Variants in ADGRL2 observed in about 807,000 individuals in gnomAD.
ADGRL2 encodes adhesion G protein-coupled receptor L2, also known as calcium-independent alpha-latrotoxin receptor 2.
In ADGRL2, 44 loss-of-function variants were observed where a neutral mutation model predicts 157.4. The ratio of observed to expected loss-of-function variants is 0.28; its 90% CI spans 0.22 to 0.36. The LOEUF (loss-of-function observed/expected upper bound fraction) is 0.36. Ranked by LOEUF, ADGRL2 falls within the 10% of genes least tolerant of loss-of-function variation. The pLI, the probability that ADGRL2 is intolerant of heterozygous loss-of-function variation, is 1.00. For synonymous variants in ADGRL2, 585 were observed against 624.7 expected (o/e 0.94, Z 0.95); for missense variants, 1,510 against 1,768.9 (o/e 0.85, Z 2.63).
chr1:81,879,497 ATTAC>A (rs781011049), intron 2 of ADGRL2, among the ~76,000 whole-genome samples: 10 of 143,702 alleles, frequency 7.0e-5, no homozygotes, highest in Non-Finnish European at 1.1e-4. Flanking sequence ...TTGGTGATGA[ATTAC>A]TTAACCCAGA....
chr1:81,363,437 A>G (rs1439933113), intron 1 of ADGRL2, among the ~76,000 whole-genome samples: 1 of 152,082 alleles, frequency 6.6e-6, no homozygotes, highest in African/African-American at 2.4e-5. Flanking sequence ...AAAAGAAACA[A>G]TGTGTTCTAG....
intron 2 of ADGRL2, among the ~76,000 whole-genome samples, chr1:81,840,537 G>A (rs1372228405): frequency 1.3e-5 from 2 of 151,994 alleles, no homozygotes; most frequent in African/African-American, 4.8e-5. Context: ...AAATCACTAA[G>A]CATTTTTAAA....
At chr1:81,923,268 T>C (rs916375271) in intron 3 of ADGRL2, among the ~76,000 whole-genome samples, 3 of 152,188 alleles carry the variant, frequency 2.0e-5, no homozygotes, top group Non-Finnish European at 4.4e-5. Context: ...TGGTAGTCAA[T>C]TTGATAAAAG....
chr1:81,395,665 T>C (rs1323204032), intron 1 of ADGRL2, among the ~76,000 whole-genome samples: 1 of 152,198 alleles, frequency 6.6e-6, no homozygotes, highest in Admixed American at 6.5e-5. Context: ...CTAGTAGTTT[T>C]ATAGTTTCAG....
chr1:81,419,852 C>T (rs1184360860), intron 1 of ADGRL2, among the ~76,000 whole-genome samples: 2 of 152,116 alleles, frequency 1.3e-5, no homozygotes, highest in Admixed American at 1.3e-4. Flanking sequence ...GTATGTTTCT[C>T]CCAGTGAAAA....
chr1:81,862,934 C>CTTAT lies in ADGRL2; in HGVS notation c.73+25877_73+25878insTTAT, dbSNP rs547400933. ...TTCCCCATAAAACCAAATACATAAGCATAATACTGGTTTCTAAGTACTAAG... is the reference window on the plus strand; with the variant it reads ...TTCCCCATAAAACCAAATACATAAGCTTATATAATACTGGTTTCTAAGTACTAAG... On this transcript the variant is annotated intron_variant, in intron 2 of 23. Transcript: ENST00000686636. Among the ~76,000 whole-genome samples the CTTAT allele has an allele frequency of 9.2e-5, 14 of 152,182 alleles. No homozygotes were observed. In the South Asian group the frequency reaches 2.9e-3, roughly 32 times the overall value.
intron 1 of ADGRL2, among the ~76,000 whole-genome samples, chr1:81,703,154 T>G (rs2083628101): frequency 1.3e-5 from 2 of 152,158 alleles, no homozygotes. Flanking sequence ...CTGAAATATG[T>G]ATTCCACAGA....
At chr1:81,818,008 A>T (rs2090589063) in intron 1 of ADGRL2, among the ~76,000 whole-genome samples, 1 of 139,028 alleles carries the variant, frequency 7.2e-6, no homozygotes, top group African/African-American at 2.5e-5. Context: ...ACCAGAAATT[A>T]AAAAAATAAA....
chr1:81,526,090 T>C (rs1348062185), intron 2 of ADGRL2, among the ~76,000 whole-genome samples: 2 of 133,654 alleles, frequency 1.5e-5, no homozygotes, highest in Non-Finnish European at 3.2e-5. Flanking sequence ...TTTTCTCTGT[T>C]TCCTTTTATA....
chr1:81,631,450 C>G (rs563436922), intron 3 of ADGRL2, among the ~76,000 whole-genome samples: 3 of 152,122 alleles, frequency 2.0e-5, no homozygotes, highest in Non-Finnish European at 4.4e-5. Flanking sequence ...CTCCTGACCT[C>G]AAGTAATCCG....
chr1:81,787,053 C>T (rs924395246), intron 2 of ADGRL2, among the ~76,000 whole-genome samples: 2 of 149,106 alleles, frequency 1.3e-5, no homozygotes, highest in African/African-American at 2.4e-5. Flanking sequence ...ATGGTTTTAC[C>T]AGGGGTTTCT....
At chr1:81,750,833 A>G (rs953000296) in intron 1 of ADGRL2, among the ~76,000 whole-genome samples, 47 of 152,212 alleles carry the variant, frequency 3.1e-4, no homozygotes, top group African/African-American at 1.1e-3. Flanking sequence ...ATGGAAATAA[A>G]TATCAATGTA....
At chr1:81,503,283 C>T (rs2078895624) in intron 2 of ADGRL2, 4 of 1,614,100 alleles carry the variant, frequency 2.5e-6, no homozygotes, top group East Asian at 2.2e-5. Flanking sequence ...TGTCTGTGGA[C>T]ATCGATGGCA....
intron 3 of ADGRL2, among the ~76,000 whole-genome samples, chr1:81,691,096 G>A (rs1016346904): frequency 1.4e-4 from 22 of 152,158 alleles, no homozygotes; most frequent in African/African-American, 5.1e-4. Context: ...CACGAAAATC[G>A]TACAGTCCTG....
chr1:81,620,668 C>G (rs1332691907), intron 3 of ADGRL2, among the ~76,000 whole-genome samples: 1 of 152,152 alleles, frequency 6.6e-6, no homozygotes, highest in Non-Finnish European at 1.5e-5. Context: ...ACCCAACAAT[C>G]TGCTTTAGAA....
chr1:81,779,171 G>T (rs895256102), intron 2 of ADGRL2, among the ~76,000 whole-genome samples: 4 of 152,014 alleles, frequency 2.6e-5, no homozygotes. Context: ...TGCATTCATG[G>T]AGCTTACATT....
At chr1:81,882,079 T>C (rs1407943907) in intron 2 of ADGRL2, among the ~76,000 whole-genome samples, 1 of 152,202 alleles carries the variant, frequency 6.6e-6, no homozygotes, top group Non-Finnish European at 1.5e-5. Context: ...AATTTGTTTC[T>C]TGATTTTAAG....
Position 81,617,522 on chromosome 1 carries a change from C to T in ADGRL2, c.-143+36542C>T, listed in dbSNP as rs530802915. ...AATTGCCAGCAGAGCTGCTTTCTTT[C>T]GCAACTTTTGGTAATAGTCTTAGTT... On this transcript the variant is annotated intron_variant, in intron 3 of 24. Coordinates refer to the ADGRL2 transcript ENST00000370721. Among the ~76,000 whole-genome samples the T allele has an allele frequency of 1.4e-4, 22 of 152,332 alleles. No homozygotes were observed. The South Asian group carries it at 2.9e-3, about 20-fold the overall frequency.
intron 2 of ADGRL2, chr1:81,501,995 G>C: frequency 1.2e-6 from 2 of 1,610,728 alleles, no homozygotes; most frequent in East Asian, 4.5e-5. Context: ...CTTAGCCAGA[G>C]TTCCACCCAC....
Sources: allele counts gnomAD v4.1 joint callset (sites outside exome capture counted in the v4.1 genomes callset), GRCh38; gene constraint gnomAD v4.1.1; transcripts MANE v1.5; gene names NCBI Gene and HGNC (gene_info 2026-07-23, HGNC 2026-07-21).